Variants in GLIS3 observed in about 807,000 individuals in gnomAD.
GLIS3 encodes the protein GLIS family zinc finger 3.
In GLIS3, 53 loss-of-function variants were observed where a neutral mutation model predicts 78.6. That is an observed-to-expected ratio of 0.67 (90% CI 0.54 to 0.85). The LOEUF (loss-of-function observed/expected upper bound fraction) is 0.85, where lower values mean the gene tolerates loss of function less well. GLIS3 is among the 40% of genes least tolerant of loss of function. GLIS3 has a pLI of 0.00. For missense variants in GLIS3, 1,703 were observed against 1,231.1 expected (o/e 1.38, Z -5.74); for synonymous variants, 684 against 509.9 (o/e 1.34, Z -4.60).
At chr9:4,436,122 G>A in the GLIS3 span, among the ~76,000 whole-genome samples, 3 of 152,040 alleles carry the variant, frequency 2.0e-5, no homozygotes, top group African/African-American at 7.3e-5. Flanking sequence ...CTATATCCTT[G>A]GACTCAACAA....
intron 2 of GLIS3, among the ~76,000 whole-genome samples, chr9:4,331,688 T>C (rs755419941): frequency 6.6e-6 from 1 of 152,188 alleles, no homozygotes; most frequent in Non-Finnish European, 1.5e-5. Context: ...AGAAATATGA[T>C]GAAGGCAGGC....
At chr9:4,258,156 GA>G (rs541453400) in intron 2 of GLIS3, among the ~76,000 whole-genome samples, 4 of 151,190 alleles carry the variant, frequency 2.6e-5, no homozygotes, top group African/African-American at 4.9e-5. Flanking sequence ...ATTCTACAAT[GA>G]AAAAAAATAC....
chr9:3,897,707 C>G (rs751039807), intron 7 of GLIS3, among the ~76,000 whole-genome samples: 1 of 152,216 alleles, frequency 6.6e-6, no homozygotes, highest in African/African-American at 2.4e-5. Flanking sequence ...TGCCCTTTCT[C>G]TCTGCATCTG....
At chr9:4,239,066 C>T (rs553156305) in intron 2 of GLIS3, among the ~76,000 whole-genome samples, 171 of 149,744 alleles carry the variant, frequency 1.1e-3, no homozygotes, top group Non-Finnish European at 8.0e-4. Flanking sequence ...ATGTGCCACA[C>T]TTTCTTAATC....
chr9:4,376,378 A>G, the GLIS3 span, among the ~76,000 whole-genome samples: 1 of 152,226 alleles, frequency 6.6e-6, no homozygotes, highest in East Asian at 1.9e-4. Context: ...CCTTTGAAAA[A>G]ACAATGGAAG....
chr9:4,386,868 C>G, the GLIS3 span, among the ~76,000 whole-genome samples: 1 of 152,180 alleles, frequency 6.6e-6, no homozygotes, highest in African/African-American at 2.4e-5. Flanking sequence ...GATCCCCATA[C>G]ATTTTATGAG....
intron 6 of GLIS3, among the ~76,000 whole-genome samples, chr9:3,905,516 A>T (rs1002502138): frequency 2.6e-5 from 4 of 152,210 alleles, no homozygotes; most frequent in Non-Finnish European, 5.9e-5. Flanking sequence ...CCTCCCCTGC[A>T]GGTTTGTCAC....
intron 2 of GLIS3, among the ~76,000 whole-genome samples, chr9:4,183,768 T>C (rs1047550687): frequency 6.6e-6 from 1 of 152,260 alleles, no homozygotes; most frequent in African/African-American, 2.4e-5. Flanking sequence ...GAGTTCTTTC[T>C]ATTTCTTACT....
At chr9:4,111,576 A>G (rs1831211075) in intron 4 of GLIS3, among the ~76,000 whole-genome samples, 2 of 152,232 alleles carry the variant, frequency 1.3e-5, no homozygotes, top group Non-Finnish European at 2.9e-5. Flanking sequence ...GACTGTGGTC[A>G]ATGCCCCATC....
At chr9:4,173,646 G>C (rs1455682836) in intron 2 of GLIS3, among the ~76,000 whole-genome samples, 1 of 149,878 alleles carries the variant, frequency 6.7e-6, no homozygotes, top group South Asian at 2.1e-4. Flanking sequence ...CTGTCACCTA[G>C]AGTGCAGTGG....
the GLIS3 span, among the ~76,000 whole-genome samples, chr9:4,464,781 G>A: frequency 6.6e-6 from 1 of 152,154 alleles, no homozygotes; most frequent in Non-Finnish European, 1.5e-5. Context: ...GTGGTATATA[G>A]AAGAAGAAAA....
At chr9:4,318,469 G>C (rs12346416) in intron 2 of GLIS3, among the ~76,000 whole-genome samples, 12,444 of 152,078 alleles carry the variant, frequency 0.082, 622 homozygotes, top group East Asian at 0.17. Context: ...GTGACAGAAC[G>C]TAAACCCTCA....
intron 4 of GLIS3, among the ~76,000 whole-genome samples, chr9:4,030,160 C>G (rs973080842): frequency 6.6e-6 from 1 of 152,104 alleles, no homozygotes; most frequent in Non-Finnish European, 1.5e-5. Context: ...GAGATGATAT[C>G]GCCTCGTAGT....
At chr9:4,269,274 C>T (rs554494577) in intron 2 of GLIS3, among the ~76,000 whole-genome samples, 2 of 152,176 alleles carry the variant, frequency 1.3e-5, no homozygotes, top group East Asian at 3.9e-4. Context: ...ATAGACATAC[C>T]CCTCCCTGCC....
At position 4,025,495 on chromosome 9, in the gene GLIS3, C is replaced by G. The variant is rs868030866; in HGVS notation, c.1711-88306G>C. 2.2e-4 allele frequency among the ~76,000 whole-genome samples: 33 copies of G among 152,238 alleles called. No individual in the cohort carries two copies. In the Middle Eastern group the frequency reaches 0.014, roughly 63 times the overall value. ...CTCCGACTCCCTGGTGCAAGCGATT[C>G]TCCTGCCTCAGCCTCCCGAGTAGCT... On this transcript the variant is annotated intron_variant, in intron 4 of 10. Coordinates refer to ENST00000381971, the MANE Select transcript of GLIS3 (RefSeq NM_001042413.2).
intron 2 of GLIS3, among the ~76,000 whole-genome samples, chr9:4,178,457 C>G (rs142302627): frequency 9.9e-5 from 15 of 152,134 alleles, no homozygotes; most frequent in Admixed American, 9.8e-4. Flanking sequence ...AAGGGAGGGA[C>G]GATACTAGAA....
chr9:4,374,346 T>A, the GLIS3 span, among the ~76,000 whole-genome samples: 1 of 152,384 alleles, frequency 6.6e-6, no homozygotes, highest in East Asian at 1.9e-4. Context: ...TGGAAAGGGC[T>A]GCTGTGGATA....
At chr9:4,471,088 G>T in the GLIS3 span, among the ~76,000 whole-genome samples, 5 of 152,054 alleles carry the variant, frequency 3.3e-5, no homozygotes, top group African/African-American at 9.7e-5. Flanking sequence ...ACAAACCACT[G>T]CTCAACGAAA....
chr9:4,265,914 C>G lies in GLIS3; in HGVS notation c.388+20124G>C, dbSNP rs10217531. 1.6e-3 allele frequency among the ~76,000 whole-genome samples: 246 copies of G among 151,590 alleles called. 3 individuals are homozygous for G. Among genetic ancestry groups the G allele is most frequent in the African/African-American group, 5.8e-3 (240 of 41,350 alleles). On this transcript the variant is annotated intron_variant, in intron 2 of 10. Transcript: ENST00000381971. ...TCACCCTGGTTTTTTTTTTGTTTGT[C>G]TGTTTGTTTGTTTGTTTGTTTGGAG...
Sources: allele counts gnomAD v4.1 joint callset (sites outside exome capture counted in the v4.1 genomes callset), GRCh38; gene constraint gnomAD v4.1.1; transcripts MANE v1.5; gene names NCBI Gene and HGNC (gene_info 2026-07-23, HGNC 2026-07-21).